AFDN: variants seen among roughly 807,000 people sequenced by gnomAD.
AFDN encodes the protein afadin.
Under a neutral mutation model 216.6 loss-of-function variants are expected in AFDN, and 68 were observed. The ratio of observed to expected loss-of-function variants is 0.31; its 90% confidence interval spans 0.26 to 0.38. The LOEUF is 0.38. AFDN is among the 10% of genes least tolerant of loss of function. The pLI is 1.00. For synonymous variants in AFDN, 868 were observed against 853.7 expected (o/e 1.02, Z -0.29); for missense variants, 2,136 against 2,342.0 (o/e 0.91, Z 1.82).
intron 29 of AFDN, among the ~76,000 whole-genome samples, chr6:167,950,587 A>G (rs981732063): frequency 3.9e-5 from 6 of 152,216 alleles, no homozygotes; most frequent in African/African-American, 1.4e-4. Context: ...CAGCCCAGAA[A>G]GCCAGTCCTT....
rs186761681 is a variant in AFDN at position 167,841,185 on chromosome 6, A to G, written c.105+13948A>G. On this transcript the variant is annotated intron_variant, in intron 1 of 33. Coordinates refer to ENST00000683244, the MANE Select transcript of AFDN (RefSeq NM_001386888.1). Reference sequence around the variant, plus strand: ...GTGATGGTGTCATTAACCAGAATCAAAAATGTCAGTGGTAGATTAGATTTG... The same window carrying G: ...GTGATGGTGTCATTAACCAGAATCAGAAATGTCAGTGGTAGATTAGATTTG... Among the ~76,000 whole-genome samples the G allele has an allele frequency of 2.2e-3, 331 of 152,334 alleles. 4 individuals carry two copies. Among genetic ancestry groups the G allele is most frequent in the African/African-American group, 7.0e-3 (291 of 41,570 alleles).
intron 23 of AFDN, among the ~76,000 whole-genome samples, chr6:167,938,909 A>G (rs548875615): frequency 1.3e-5 from 2 of 152,360 alleles, no homozygotes; most frequent in East Asian, 1.9e-4. Flanking sequence ...GGCAGGCAGC[A>G]CCAACTGTGT....
intron 16 of AFDN, 167 bp downstream of exon 16, chr6:167,913,590 T>G: frequency 1.7e-6 from 1 of 594,476 alleles, no homozygotes; most frequent in African/African-American, 1.9e-5. Context: ...GCAACCTTTA[T>G]CGGCATTTCA....
At chr6:167,955,426 G>T (rs1796399933) in intron 30 of AFDN, among the ~76,000 whole-genome samples, 1 of 151,912 alleles carries the variant, frequency 6.6e-6, no homozygotes, top group Non-Finnish European at 1.5e-5. Context: ...ATGAAACAAA[G>T]ATTTAAAAGT....
intron 23 of AFDN, among the ~76,000 whole-genome samples, chr6:167,928,553 G>A (rs533539513): frequency 7.2e-4 from 109 of 152,344 alleles, no homozygotes; most frequent in Non-Finnish European, 5.3e-4. Context: ...ACCTGGGAGG[G>A]AAGAGGGGAA....
At chr6:167,885,693 A>G (rs941997002) in intron 6 of AFDN, among the ~76,000 whole-genome samples, 1 of 152,266 alleles carries the variant, frequency 6.6e-6, no homozygotes, top group African/African-American at 2.4e-5. Context: ...GTACACACAG[A>G]CACAAAGTGA....
chr6:167,853,550 T>G (rs1178334832), intron 1 of AFDN, among the ~76,000 whole-genome samples: 1 of 152,108 alleles, frequency 6.6e-6, no homozygotes, highest in Non-Finnish European at 1.5e-5. Context: ...CGATTGTCTT[T>G]TTTTGTTAAA....
rs531958424 is a variant in AFDN, at chr6:167,847,634, C to T, written c.106-16917C>T. Among the ~76,000 whole-genome samples the T allele has an allele frequency of 1.5e-4, 23 of 152,290 alleles. No individual in the cohort carries two copies. In the East Asian group the frequency reaches 4.4e-3, roughly 29 times the overall value. ...TTAGCAGCAGATTCTGTCAGCTCTA[C>T]TTTCAAAATATTTTTATAATTTAAC... On this transcript the variant is annotated intron_variant, in intron 1 of 33. Coordinates refer to ENST00000683244, the MANE Select transcript of AFDN (RefSeq NM_001386888.1).
chr6:167,842,538 G>A (rs1341989901), intron 1 of AFDN, among the ~76,000 whole-genome samples: 1 of 69,024 alleles, frequency 1.4e-5, no homozygotes, highest in Non-Finnish European at 2.9e-5. Context: ...AAATTTGGCT[G>A]GCATTCCTGG....
rs1797917957 is a variant in AFDN, at chr6:167,969,999, C to T, written c.*64C>T. ...CTTTTCAGTTGTGGGTTTGTAGGTG[C>T]GAGTTTGAAGAGGAAAAGAGGAAGG... On this transcript the variant is annotated 3_prime_UTR_variant, in exon 34 of 34. Transcript: ENST00000683244. 6.5e-6 allele frequency: 9 copies of T among 1,382,130 alleles called. No individual in the cohort carries two copies. Among genetic ancestry groups the T allele is most frequent in the South Asian group, 1.4e-5 (1 of 71,958 alleles). 85.6% of individuals were successfully genotyped at this position (1,382,130 alleles called of 1,614,324 possible).
intron 11 of AFDN, among the ~76,000 whole-genome samples, chr6:167,901,804 T>C (rs1032318642): frequency 6.6e-6 from 1 of 151,512 alleles, no homozygotes; most frequent in Non-Finnish European, 1.5e-5. Context: ...AAAAAAAATA[T>C]GATCGGGCCG....
intron 30 of AFDN, chr6:167,954,537 G>C (rs183965401): frequency 6.4e-7 from 1 of 1,563,938 alleles, no homozygotes; most frequent in Non-Finnish European, 8.7e-7. Flanking sequence ...TTCCTGTCTT[G>C]ATTTTCTTTT....
At chr6:167,832,333 C>T (rs538522) in intron 1 of AFDN, among the ~76,000 whole-genome samples, 18,389 of 151,986 alleles carry the variant, frequency 0.12, 1,325 homozygotes, top group South Asian at 0.22. Context: ...CAGGAGTGTG[C>T]GTGTTCTAAG....
At chr6:167,946,679 AGAG>A in intron 26 of AFDN, 25 bp from the exon 27 acceptor site, 1 of 1,592,812 alleles carries the variant, frequency 6.3e-7, no homozygotes, top group Non-Finnish European at 8.6e-7. Context: ...TAAAATCTTA[AGAG>A]ATACTGAATA....
chr6:167,943,006 C>T, intron 23 of AFDN, 123 bp from the exon 24 acceptor site: 2 of 628,512 alleles, frequency 3.2e-6, no homozygotes, highest in African/African-American at 1.8e-5. Context: ...AAATGAGAAC[C>T]AGGACTTTGT....
chr6:167,842,249 C>G (rs1166348065), intron 1 of AFDN, among the ~76,000 whole-genome samples: 1 of 152,022 alleles, frequency 6.6e-6, no homozygotes, highest in Non-Finnish European at 1.5e-5. Flanking sequence ...TATTTACCAC[C>G]CTTTTTTTTT....
Position 167,951,406 on chromosome 6 carries a change from A to G in AFDN, c.4052A>G (p.Lys1351Arg). The change falls in exon 30 of 34, where the codon AAA (lysine) becomes AGA (arginine). Residue 1351 changes from lysine to arginine, a missense_variant. Physicochemically the swap from Lys to Arg is conservative, Grantham distance 26. Coordinates refer to ENST00000683244, the MANE Select transcript of AFDN (RefSeq NM_001386888.1). The surrounding 1 kb of genome is among the most constrained non-coding windows in gnomAD (Gnocchi z 7.1). The part of the protein sequence containing the change: ...TLTKSGPGRW[K>R]TPAAIPATPV... ...ACCAAAAGTGGCCCTGGCCGTTGGA[A>G]AACACCAGCAGCCATACCGGCCACC... The G allele has an allele frequency of 6.2e-7, 1 of 1,614,096 alleles. No homozygotes were observed. The highest frequency in any genetic ancestry group is 1.1e-5 in the South Asian group (1 of 91,084).
intron 1 of AFDN, among the ~76,000 whole-genome samples, chr6:167,859,177 G>T (rs1243613226): frequency 6.7e-6 from 1 of 148,918 alleles, no homozygotes; most frequent in Non-Finnish European, 1.5e-5. Context: ...TGTTCTTGAA[G>T]TATTAGGATT....
intron 26 of AFDN, among the ~76,000 whole-genome samples, chr6:167,945,309 C>A (rs1415564020): frequency 6.6e-6 from 1 of 152,158 alleles, no homozygotes; most frequent in African/African-American, 2.4e-5. Context: ...TCTTCAGGGG[C>A]AGTGACATGC....
Sources: gnomAD v4.1 joint callset for allele counts (sites outside exome capture counted in the v4.1 genomes callset) on GRCh38, gnomAD v4.1.1 for gene constraint, Gnocchi (gnomAD v3.1) non-coding constraint, MANE v1.5 for transcripts, NCBI Gene and HGNC (gene_info 2026-07-23, HGNC 2026-07-21) for gene names.